The following PALM2AKAP2 variants were observed in gnomAD, a reference collection of about 807,000 sequenced individuals.
PALM2AKAP2 encodes PALM2-AKAP2 fusion protein.
In PALM2AKAP2, 37 loss-of-function variants were observed where a neutral mutation model predicts 71.5. That is an observed-to-expected ratio of 0.52 (90% CI 0.40 to 0.68). The LOEUF (loss-of-function observed/expected upper bound fraction) is 0.68, where lower values mean the gene tolerates loss of function less well. Among genes scored for constraint, PALM2AKAP2 ranks in the 30% least tolerant of loss-of-function variants. The pLI is 0.00. For missense variants in PALM2AKAP2, 1,224 were observed against 1,191.8 expected (o/e 1.03, Z -0.40); for synonymous variants, 468 against 478.8 (o/e 0.98, Z 0.29).
chr9:110,109,036 G>A (rs969641612), intron 1 of PALM2AKAP2, among the ~76,000 whole-genome samples: 6 of 151,920 alleles, frequency 3.9e-5, no homozygotes, highest in Non-Finnish European at 7.4e-5. Context: ...TTCAGAAACC[G>A]GTCCGGCGCG....
At chr9:109,943,441 C>T (rs936172969) in intron 6 of PALM2AKAP2, 1 of 1,593,032 alleles carries the variant, frequency 6.3e-7, no homozygotes, top group Middle Eastern at 1.7e-4. Flanking sequence ...TCTTTCTTCT[C>T]CTTTCTTCTG....
At chr9:109,655,285 C>T (rs1587855703) in intron 1 of PALM2AKAP2, among the ~76,000 whole-genome samples, 1 of 117,236 alleles carries the variant, frequency 8.5e-6, no homozygotes, top group African/African-American at 3.6e-5. Flanking sequence ...GGCGACAGAG[C>T]GAGACTCGGT....
intron 1 of PALM2AKAP2, among the ~76,000 whole-genome samples, chr9:109,732,595 G>T (rs570992824): frequency 2.2e-4 from 34 of 152,264 alleles, no homozygotes; most frequent in African/African-American, 7.7e-4. Context: ...TGGATATTTG[G>T]GATATAGATG....
chr9:109,847,251 A>T (rs979739487), intron 1 of PALM2AKAP2, among the ~76,000 whole-genome samples: 6 of 152,184 alleles, frequency 3.9e-5, no homozygotes, highest in Admixed American at 3.9e-4. Flanking sequence ...GATCTGACAG[A>T]TAGAAGGGGA....
chr9:110,050,289 A>T (rs1438164160), intron 1 of PALM2AKAP2, among the ~76,000 whole-genome samples: 1 of 152,186 alleles, frequency 6.6e-6, no homozygotes, highest in African/African-American at 2.4e-5. Flanking sequence ...CTGCATGAAT[A>T]CAAACTCCTC....
intron 1 of PALM2AKAP2, among the ~76,000 whole-genome samples, chr9:109,719,606 T>A (rs1260080440): frequency 6.6e-6 from 1 of 152,192 alleles, no homozygotes; most frequent in East Asian, 1.9e-4. Context: ...ACTATTGTGA[T>A]GATGAAATGT....
At chr9:109,950,397 A>G (rs868559598) in intron 6 of PALM2AKAP2, among the ~76,000 whole-genome samples, 32 of 152,190 alleles carry the variant, frequency 2.1e-4, no homozygotes, top group Admixed American at 1.4e-3. Flanking sequence ...GTCTTTATCC[A>G]TAAAGGAGAT....
chr9:110,094,563 G>C (rs1157406351), intron 1 of PALM2AKAP2, among the ~76,000 whole-genome samples: 2 of 151,448 alleles, frequency 1.3e-5, no homozygotes, highest in Admixed American at 1.3e-4. Context: ...GGGGGAGTGA[G>C]CACTTCATAT....
chr9:110,015,813 AC>A, intron 6 of PALM2AKAP2, 140 bp from the exon 7 acceptor site: 1 of 722,952 alleles, frequency 1.4e-6, no homozygotes, highest in Non-Finnish European at 2.3e-6. Flanking sequence ...TAGCCCAGTA[AC>A]TGCAAGATAG....
chr9:109,993,775 T>C (rs1832525155), intron 6 of PALM2AKAP2, among the ~76,000 whole-genome samples: 1 of 151,034 alleles, frequency 6.6e-6, no homozygotes, highest in Non-Finnish European at 1.5e-5. Flanking sequence ...TTCCTCTCTC[T>C]CTCCCTCTTC....
chr9:110,122,011 A>G (rs1835497166), intron 1 of PALM2AKAP2, among the ~76,000 whole-genome samples: 1 of 152,212 alleles, frequency 6.6e-6, no homozygotes, highest in African/African-American at 2.4e-5. Flanking sequence ...AGGCCTTCCC[A>G]AAGCTCCTAG....
At chr9:109,798,373 C>T (rs1827324228) in intron 1 of PALM2AKAP2, among the ~76,000 whole-genome samples, 1 of 152,204 alleles carries the variant, frequency 6.6e-6, no homozygotes, top group Non-Finnish European at 1.5e-5. Flanking sequence ...GCGTACCCTA[C>T]TCTGCTTCTG....
At chr9:109,701,544 T>G (rs1201218657) in intron 1 of PALM2AKAP2, among the ~76,000 whole-genome samples, 1 of 152,172 alleles carries the variant, frequency 6.6e-6, no homozygotes, top group African/African-American at 2.4e-5. Context: ...TAGCCATATG[T>G]AGAAAGCTGA....
chr9:109,856,221 G>A (rs1225791676), intron 1 of PALM2AKAP2, among the ~76,000 whole-genome samples: 4 of 152,150 alleles, frequency 2.6e-5, no homozygotes, highest in East Asian at 1.9e-4. Context: ...ACAAAAGTAC[G>A]TCTAAGATGA....
rs868750782 is a variant in PALM2AKAP2, at chr9:109,998,630, G to T, written c.497-17324G>T. 7.9e-4 allele frequency among the ~76,000 whole-genome samples: 111 copies of T among 141,188 alleles called. 1 individual carries two copies. The highest frequency in any genetic ancestry group is 2.8e-3 in the African/African-American group (109 of 39,428). The allele number at this position is 141,188 out of a possible 152,430, so 92.6% of individuals were successfully genotyped here. A position where few individuals can be genotyped will look rare whatever the true frequency, so the allele number is the denominator to read the frequency against. On this transcript the variant is annotated intron_variant, in intron 6 of 9. Transcript: ENST00000302798. ...TATGGTACTTTCTGACCAGGGCGGG[G>T]GAGTGGGGAGCCTGTAGTCTCAGCT... is the stretch of plus-strand genomic sequence containing the variant.
intron 6 of PALM2AKAP2, among the ~76,000 whole-genome samples, chr9:109,959,835 C>T (rs576690343): frequency 3.3e-5 from 5 of 151,924 alleles, no homozygotes; most frequent in Admixed American, 2.6e-4. Flanking sequence ...TGGAAGGAGA[C>T]GTGGGAATTT....
chr9:110,039,126 A>G (rs770433793), intron 7 of PALM2AKAP2, among the ~76,000 whole-genome samples: 5 of 151,556 alleles, frequency 3.3e-5, no homozygotes, highest in Non-Finnish European at 7.4e-5. Context: ...GCACATGCCT[A>G]TAGACCCAGC....
intron 5 of PALM2AKAP2, among the ~76,000 whole-genome samples, chr9:109,927,630 C>A (rs1377296155): frequency 2.0e-5 from 3 of 152,090 alleles, no homozygotes; most frequent in Non-Finnish European, 4.4e-5. Context: ...AATAGAGGTA[C>A]CGTACTGCTG....
At chr9:110,149,779 C>T (rs2119180000) in intron 2 of PALM2AKAP2, among the ~76,000 whole-genome samples, 1 of 152,264 alleles carries the variant, frequency 6.6e-6, no homozygotes, top group South Asian at 2.1e-4. Flanking sequence ...GAGACCTTGT[C>T]TCTAATAATA....
Sources: gnomAD v4.1 joint callset for allele counts (sites outside exome capture counted in the v4.1 genomes callset) on GRCh38, gnomAD v4.1.1 for gene constraint, MANE v1.5 for transcripts, NCBI Gene and HGNC (gene_info 2026-07-23, HGNC 2026-07-21) for gene names.